The following CCM2 variants were observed in gnomAD, a reference collection of about 807,000 sequenced individuals.
CCM2 encodes the protein cerebral cavernous malformations 2 protein.
A neutral mutation model predicts 44.9 loss-of-function variants in CCM2; 25 were observed. The observed-to-expected ratio is 0.56, with a 90% CI of 0.41 to 0.78. CCM2 has a LOEUF of 0.78. CCM2 is among the 30% of genes least tolerant of loss of function. The pLI, the probability that CCM2 is intolerant of heterozygous loss-of-function variation, is 0.00. For synonymous variants in CCM2, 219 were observed against 241.1 expected (o/e 0.91, Z 0.85); for missense variants, 481 against 580.6 (o/e 0.83, Z 1.76).
intron 2 of CCM2, among the ~76,000 whole-genome samples, chr7:45,041,036 G>T (rs373147604): frequency 6.6e-6 from 1 of 152,232 alleles, no homozygotes; most frequent in Non-Finnish European, 1.5e-5. Context: ...AGGAAGACAC[G>T]GATTCATAGC....
intron 8 of CCM2, 172 bp downstream of exon 8, chr7:45,073,743 T>C: frequency 1.6e-6 from 1 of 606,946 alleles, no homozygotes; most frequent in Non-Finnish European, 3.0e-6. Flanking sequence ...CTGGGGATAG[T>C]CTAGGAGAGC....
chr7:45,072,411 C>G (rs1799124364), intron 6 of CCM2: 1 of 504,870 alleles, frequency 2.0e-6, no homozygotes, highest in East Asian at 3.7e-5. Flanking sequence ...GTAACCCTGC[C>G]TGGCACATGA....
intron 2 of CCM2, among the ~76,000 whole-genome samples, chr7:45,046,076 A>C (rs1387126919): frequency 1.3e-5 from 2 of 152,184 alleles, no homozygotes; most frequent in Non-Finnish European, 2.9e-5. Context: ...AAATGGACCA[A>C]CTCCTTGAAA....
intron 1 of CCM2, among the ~76,000 whole-genome samples, chr7:45,012,966 A>G (rs1796124462): frequency 6.6e-6 from 1 of 152,114 alleles, no homozygotes; most frequent in Non-Finnish European, 1.5e-5. Context: ...CTAGTCTGAT[A>G]GTTTCTGCCT....
intron 2 of CCM2, among the ~76,000 whole-genome samples, chr7:45,042,103 A>G (rs893767078): frequency 6.6e-6 from 1 of 151,994 alleles, no homozygotes; most frequent in Non-Finnish European, 1.5e-5. Flanking sequence ...GTGAAACCCC[A>G]TCTCTACTAG....
intron 1 of CCM2, among the ~76,000 whole-genome samples, chr7:45,008,389 A>T (rs1339748905): frequency 1.0e-5 from 1 of 96,508 alleles, no homozygotes; most frequent in Non-Finnish European, 2.0e-5. Flanking sequence ...TTTTTGAGAC[A>T]GTTTTGCTCT....
intron 4 of CCM2, 140 bp downstream of exon 4, chr7:45,064,786 G>C (rs549856248): frequency 6.7e-6 from 6 of 890,190 alleles, no homozygotes; most frequent in South Asian, 1.5e-5. Flanking sequence ...TCCTGTCTCT[G>C]AGATCAGCCA....
At chr7:45,019,803 G>C (rs1231373009) in intron 1 of CCM2, among the ~76,000 whole-genome samples, 3 of 152,122 alleles carry the variant, frequency 2.0e-5, no homozygotes, top group Non-Finnish European at 4.4e-5. Context: ...TCAAACTCCT[G>C]AACTCAAGTG....
intron 2 of CCM2, among the ~76,000 whole-genome samples, chr7:45,052,276 C>T (rs144702906): frequency 1.4e-3 from 211 of 152,290 alleles, no homozygotes; most frequent in Non-Finnish European, 2.2e-3. Context: ...ACTGGTTGGT[C>T]TCTTGGAGGG....
intron 1 of CCM2, among the ~76,000 whole-genome samples, chr7:45,019,590 A>G (rs948728094): frequency 2.0e-5 from 3 of 151,932 alleles, no homozygotes; most frequent in Non-Finnish European, 4.4e-5. Context: ...CTAAAATCTC[A>G]GCTTTTTTTT....
chr7:45,047,031 C>G (rs940220776), intron 2 of CCM2, among the ~76,000 whole-genome samples: 1 of 152,186 alleles, frequency 6.6e-6, no homozygotes, highest in African/African-American at 2.4e-5. Context: ...GCTGCCAATA[C>G]ACACCTAACA....
chr7:45,061,407 T>G (rs915773299), intron 2 of CCM2, among the ~76,000 whole-genome samples: 3 of 152,144 alleles, frequency 2.0e-5, no homozygotes, highest in Non-Finnish European at 2.9e-5. Context: ...GAAAGCCCTT[T>G]GTTAAGGATA....
intron 1 of CCM2, among the ~76,000 whole-genome samples, chr7:45,020,928 C>T (rs1796457253): frequency 6.6e-6 from 1 of 152,146 alleles, no homozygotes; most frequent in Non-Finnish European, 1.5e-5. Flanking sequence ...AGTCTTATTA[C>T]CTTGGTATTT....
intron 1 of CCM2, among the ~76,000 whole-genome samples, chr7:45,000,574 C>T (rs1290916315): frequency 6.6e-6 from 1 of 152,100 alleles, no homozygotes; most frequent in Non-Finnish European, 1.5e-5. Flanking sequence ...TCCTCTGGCC[C>T]GGGCAGCGGC....
intron 2 of CCM2, among the ~76,000 whole-genome samples, chr7:45,059,359 G>A (rs1323719521): frequency 2.6e-5 from 4 of 151,400 alleles, no homozygotes; most frequent in Admixed American, 2.0e-4. Flanking sequence ...AAGGCAGGAG[G>A]ATCACTTGAG....
intron 2 of CCM2, among the ~76,000 whole-genome samples, chr7:45,052,031 T>G (rs1274207865): frequency 6.6e-6 from 1 of 152,224 alleles, no homozygotes; most frequent in Non-Finnish European, 1.5e-5. Flanking sequence ...ATGTGCCTAC[T>G]GCTGTACCTC....
chr7:45,064,405 C>T (rs1337869858), intron 3 of CCM2, 58 bp from the exon 4 acceptor site: 22 of 1,544,606 alleles, frequency 1.4e-5, no homozygotes, highest in African/African-American at 5.4e-5. Context: ...TCAGGAGAAG[C>T]GCCCCATGCC....
chr7:45,041,027 G>T (rs1477472938), intron 2 of CCM2, among the ~76,000 whole-genome samples: 1 of 152,100 alleles, frequency 6.6e-6, no homozygotes, highest in Non-Finnish European at 1.5e-5. Context: ...ACCAAGAATA[G>T]GAAGACACGG....
At chr7:45,068,266 CTT>C (rs1430672420) in intron 4 of CCM2, 175 bp from the exon 5 acceptor site, 1 of 758,692 alleles carries the variant, frequency 1.3e-6, no homozygotes, top group Non-Finnish European at 2.2e-6. Context: ...TGTTCCCACC[CTT>C]ATTTAGAGAA....
Sources: gnomAD v4.1 joint callset for allele counts (sites outside exome capture counted in the v4.1 genomes callset) on GRCh38, gnomAD v4.1.1 for gene constraint, MANE v1.5 for transcripts, NCBI Gene and HGNC (gene_info 2026-07-23, HGNC 2026-07-21) for gene names.